CNTN5: variants seen among roughly 807,000 people sequenced by gnomAD.
The protein encoded by CNTN5 is contactin 5.
In CNTN5, 77 loss-of-function variants were observed where a neutral mutation model predicts 129.1. The observed-to-expected ratio is 0.60, with a 90% CI of 0.50 to 0.72. The LOEUF (loss-of-function observed/expected upper bound fraction) is 0.72. CNTN5 is among the 30% of genes least tolerant of loss of function. The pLI, the probability that CNTN5 is intolerant of heterozygous loss-of-function variation, is 0.00. For missense variants in CNTN5, 1,478 were observed against 1,328.8 expected, an observed-to-expected ratio of 1.11 and a Z score of -1.75; for synonymous variants, 509 against 465.6, an observed-to-expected ratio of 1.09 and a Z score of -1.20.
chr11:99,209,791 G>GAAC (rs1279485741), intron 1 of CNTN5, among the ~76,000 whole-genome samples: 1 of 152,106 alleles, frequency 6.6e-6, no homozygotes, highest in Non-Finnish European at 1.5e-5. Flanking sequence ...TACTGCCAAT[G>GAAC]AACAGACACT....
At chr11:99,703,065 T>C (rs1954591338) in intron 3 of CNTN5, among the ~76,000 whole-genome samples, 2 of 150,994 alleles carry the variant, frequency 1.3e-5, no homozygotes, top group South Asian at 4.2e-4. Context: ...TTCTATATAA[T>C]AAATGAAAAT....
chr11:99,889,052 T>G (rs1278430423), intron 6 of CNTN5, among the ~76,000 whole-genome samples: 2 of 152,196 alleles, frequency 1.3e-5, no homozygotes, highest in Non-Finnish European at 1.5e-5. Context: ...TAATCATGAT[T>G]AACTGACATC....
intron 9 of CNTN5, among the ~76,000 whole-genome samples, chr11:100,059,135 C>G (rs1782323821): frequency 1.3e-5 from 2 of 152,114 alleles, no homozygotes; most frequent in African/African-American, 2.4e-5. Flanking sequence ...AATTATATGA[C>G]AAAAGCAACA....
intron 6 of CNTN5, among the ~76,000 whole-genome samples, chr11:99,874,885 C>G (rs998511425): frequency 6.6e-6 from 1 of 152,092 alleles, no homozygotes; most frequent in Non-Finnish European, 1.5e-5. Context: ...TTCAAGTAGG[C>G]TCCTGGAGCC....
At chr11:99,163,544 A>T (rs1435033176) in intron 1 of CNTN5, among the ~76,000 whole-genome samples, 2 of 152,148 alleles carry the variant, frequency 1.3e-5, no homozygotes, top group Admixed American at 6.5e-5. Context: ...CTCCATTTTA[A>T]CAAATTTTTA....
chr11:99,083,465 T>A (rs1865887707), intron 1 of CNTN5, among the ~76,000 whole-genome samples: 1 of 152,202 alleles, frequency 6.6e-6, no homozygotes, highest in African/African-American at 2.4e-5. Context: ...CTTCTTATGA[T>A]CACTCCAACT....
chr11:99,676,718 G>A (rs772397948), intron 3 of CNTN5, among the ~76,000 whole-genome samples: 5 of 151,968 alleles, frequency 3.3e-5, no homozygotes, highest in African/African-American at 4.8e-5. Context: ...AGAACTTAAA[G>A]TATAATTAAA....
chr11:99,948,366 G>A (rs932947920), intron 7 of CNTN5, among the ~76,000 whole-genome samples: 2 of 152,114 alleles, frequency 1.3e-5, no homozygotes, highest in Non-Finnish European at 2.9e-5. Context: ...CATCCTTACT[G>A]TTTGATATGG....
intron 7 of CNTN5, among the ~76,000 whole-genome samples, chr11:99,932,453 A>T (rs1950214873): frequency 6.6e-6 from 1 of 152,130 alleles, no homozygotes; most frequent in South Asian, 2.1e-4. Flanking sequence ...TCAGCCTCCC[A>T]AAGTGCTGGG....
intron 2 of CNTN5, among the ~76,000 whole-genome samples, chr11:99,365,277 C>T (rs549959300): frequency 1.3e-5 from 2 of 152,284 alleles, no homozygotes; most frequent in East Asian, 1.9e-4. Context: ...TTGAAAAAGA[C>T]ATACGCATTT....
At chr11:100,053,997 T>TA (rs1209191945) in intron 9 of CNTN5, among the ~76,000 whole-genome samples, 1 of 151,780 alleles carries the variant, frequency 6.6e-6, no homozygotes, top group African/African-American at 2.4e-5. Context: ...CATAAAAGTA[T>TA]AAAACTGGTG....
chr11:99,097,732 C>G (rs973002625), intron 1 of CNTN5, among the ~76,000 whole-genome samples: 2 of 151,684 alleles, frequency 1.3e-5, no homozygotes, highest in Non-Finnish European at 3.0e-5. Flanking sequence ...ACCATATTTG[C>G]TTTATTTTGG....
rs548554640 is a variant in CNTN5 at position 100,332,074 on chromosome 11, C to A, written c.2731-8389C>A. On this transcript the variant is annotated intron_variant, in intron 21 of 24. Coordinates refer to ENST00000524871, the MANE Select transcript of CNTN5 (RefSeq NM_014361.4). ...GGTTCTTTGAAAATATAAGTAAAAT[C>A]GATAGACCATTAGCATGATTAAACA... 1.3e-5 allele frequency among the ~76,000 whole-genome samples: 2 copies of A among 151,812 alleles called. 1 individual carries two copies. Among genetic ancestry groups the A allele is most frequent in the East Asian group, 3.9e-4 (2 of 5,172 alleles).
chr11:99,143,178 A>G (rs1369350029), intron 1 of CNTN5, among the ~76,000 whole-genome samples: 1 of 151,952 alleles, frequency 6.6e-6, no homozygotes, highest in Non-Finnish European at 1.5e-5. Context: ...TAACAAGCAA[A>G]CAAAAAAACA....
Position 99,601,251 on chromosome 11 carries a change from C to A in CNTN5, c.55+44982C>A, listed in dbSNP as rs144277460. 1.5e-4 allele frequency among the ~76,000 whole-genome samples: 23 copies of A among 152,250 alleles called. 1 individual carries two copies. The East Asian group carries it at 4.4e-3, about 29-fold the overall frequency. ...TGGAACTCATTGCTTCTTACATTTT[C>A]TACTTTATAACCTCAAAAAATATAG... is the stretch of plus-strand genomic sequence containing the variant. On this transcript the variant is annotated intron_variant, in intron 3 of 24. Transcript: ENST00000524871.
intron 7 of CNTN5, among the ~76,000 whole-genome samples, chr11:99,922,999 A>G (rs984377775): frequency 3.5e-4 from 53 of 152,340 alleles, no homozygotes; most frequent in African/African-American, 1.3e-3. Flanking sequence ...AGCAGCTACT[A>G]TGATTCAGTG....
intron 8 of CNTN5, among the ~76,000 whole-genome samples, chr11:99,992,961 A>C (rs1565765169): frequency 6.6e-6 from 1 of 152,158 alleles, no homozygotes; most frequent in South Asian, 2.1e-4. Context: ...TTCTTGAGCT[A>C]TATATTCAGC....
At chr11:99,957,326 TAA>T (rs1470543563) in intron 8 of CNTN5, among the ~76,000 whole-genome samples, 1 of 152,218 alleles carries the variant, frequency 6.6e-6, no homozygotes, top group Non-Finnish European at 1.5e-5. Context: ...TGCCTCTATA[TAA>T]CATATGTGTA....
chr11:99,659,590 G>C (rs961342865), intron 3 of CNTN5, among the ~76,000 whole-genome samples: 1 of 152,130 alleles, frequency 6.6e-6, no homozygotes, highest in Non-Finnish European at 1.5e-5. Flanking sequence ...TGTGGAGTAG[G>C]CTGGCAGGCT....
Sources: gnomAD v4.1 joint callset for allele counts (sites outside exome capture counted in the v4.1 genomes callset) on GRCh38, gnomAD v4.1.1 for gene constraint, MANE v1.5 for transcripts, NCBI Gene and HGNC (gene_info 2026-07-23, HGNC 2026-07-21) for gene names.